COL5A1: variants seen among roughly 807,000 people sequenced by gnomAD.
COL5A1 encodes the protein collagen alpha-1(V) chain.
A neutral mutation model predicts 263.7 loss-of-function variants in COL5A1; 16 were observed. The ratio of observed to expected loss-of-function variants is 0.06; its 90% confidence interval spans 0.04 to 0.09. COL5A1 has a LOEUF of 0.09. Ranked by LOEUF, COL5A1 falls within the 10% of genes least tolerant of loss-of-function variation. The probability of loss-of-function intolerance (pLI) is 1.00; values close to 1 mark genes in which losing one functional copy is unlikely to be tolerated. For synonymous variants in COL5A1, 1,012 were observed against 1,004.5 expected (o/e 1.01, Z -0.14); for missense variants, 2,036 against 2,540.5 (o/e 0.80, Z 4.27).
At chr9:134,643,631 C>T (rs1831375163) in intron 1 of COL5A1, among the ~76,000 whole-genome samples, 1 of 152,108 alleles carries the variant, frequency 6.6e-6, no homozygotes, top group Admixed American at 6.5e-5. Context: ...CATCCCTGGG[C>T]CGCCACCAAC....
intron 18 of COL5A1, among the ~76,000 whole-genome samples, chr9:134,760,078 ACACGCATACACG>A (rs1836265862): frequency 1.0e-5 from 1 of 99,446 alleles, no homozygotes; most frequent in African/African-American, 5.3e-5. Flanking sequence ...ATACATGCAC[ACACGCATACACG>A]CCCACACACC....
intron 29 of COL5A1, among the ~76,000 whole-genome samples, chr9:134,784,544 G>T (rs1392084626): frequency 1.3e-5 from 2 of 152,232 alleles, no homozygotes; most frequent in Non-Finnish European, 2.9e-5. Context: ...CCAGGTAACT[G>T]CCCCATCCGG....
intron 9 of COL5A1, chr9:134,732,370 C>G (rs1158390708): frequency 3.3e-6 from 2 of 609,028 alleles, no homozygotes; most frequent in African/African-American, 1.8e-5. Context: ...TGATCAAAGC[C>G]GGTCCTGCAC....
At chr9:134,739,007 T>C (rs1835204781) in intron 11 of COL5A1, among the ~76,000 whole-genome samples, 199 bp downstream of exon 11, 1 of 151,706 alleles carries the variant, frequency 6.6e-6, no homozygotes, top group African/African-American at 2.4e-5. Context: ...ATGGGGAGAG[T>C]GGGGCCCCTC....
At chr9:134,710,273 G>C (rs3128591) in intron 4 of COL5A1, among the ~76,000 whole-genome samples, 2 of 152,130 alleles carry the variant, frequency 1.3e-5, no homozygotes, top group African/African-American at 2.4e-5. Context: ...CGCGCGAGAC[G>C]GTGGCTGTTG....
chr9:134,648,491 G>A (rs939425452), intron 1 of COL5A1, among the ~76,000 whole-genome samples: 1 of 151,946 alleles, frequency 6.6e-6, no homozygotes, highest in Non-Finnish European at 1.5e-5. Context: ...TTCCTATCCT[G>A]GCTCCAGTGT....
In COL5A1 at chr9:134,818,294, G is replaced by C. The variant is rs1480731211; in HGVS notation, c.4231-362G>C. ...CCCAGAGCACACGGGAGGCTATTCT[G>C]TCAGTGAGGTGATGGCGGCCCGGCC... On this transcript the variant is annotated intron_variant, in intron 54 of 65. Transcript: ENST00000371817. This position sits in a 1 kb window ranked among gnomAD's most constrained non-coding sequence, Gnocchi z 6.0. Among the ~76,000 whole-genome samples the C allele has an allele frequency of 6.6e-6, 1 of 152,218 alleles. No individual in the cohort carries two copies. Among genetic ancestry groups the C allele is most frequent in the Non-Finnish European group, 1.5e-5 (1 of 68,026 alleles).
intron 31 of COL5A1, among the ~76,000 whole-genome samples, chr9:134,788,611 G>A (rs1452713499): frequency 6.6e-6 from 1 of 151,004 alleles, no homozygotes; most frequent in African/African-American, 2.4e-5. Context: ...ACAGATAGAT[G>A]GATAGAGAGA....
chr9:134,825,081 C>T (rs1839209305), intron 62 of COL5A1, among the ~76,000 whole-genome samples: 1 of 152,234 alleles, frequency 6.6e-6, no homozygotes, highest in African/African-American at 2.4e-5. Flanking sequence ...TGAGGTCAGA[C>T]TCTCCAGGTT....
chr9:134,835,115 G>A lies in COL5A1; in HGVS notation c.5281G>A (p.Asp1761Asn), dbSNP rs773055539. 8 of 1,613,698 alleles carry A rather than the reference G, an allele frequency of 5.0e-6. No individual in the cohort carries two copies. Among genetic ancestry groups the A allele is most frequent in the Admixed American group, 3.3e-5 (2 of 60,008 alleles). The change falls in exon 65 of 66, where the codon GAC becomes AAC. Residue 1761 changes from aspartate to asparagine, a missense_variant. This residue lies in a region of COL5A1 where 358 missense variants were observed against 384.6 expected (regional missense o/e 0.93). Transcript: ENST00000371817. ...GCAGGACGCAGCCACGGGCAGCTAC[G>A]ACAAGGCCCTCCGCTTCCTGGGCTC... ...AWQDAATGSY[D>N]KALRFLGSND...
intron 1 of COL5A1, among the ~76,000 whole-genome samples, chr9:134,669,745 A>C (rs1832485254): frequency 6.6e-6 from 1 of 152,138 alleles, no homozygotes; most frequent in African/African-American, 2.4e-5. Flanking sequence ...GGGGATGTGG[A>C]AGTAACCCTG....
At chr9:134,813,572 C>G (rs1483695346) in intron 48 of COL5A1, among the ~76,000 whole-genome samples, 1 of 152,228 alleles carries the variant, frequency 6.6e-6, no homozygotes. Flanking sequence ...CACCTGCTGC[C>G]ACTGTGCATG....
intron 4 of COL5A1, chr9:134,708,668 C>T (rs1477385105): frequency 5.8e-6 from 3 of 518,474 alleles, no homozygotes; most frequent in Middle Eastern, 3.2e-4. Context: ...GTGTCTTCAG[C>T]TCTGCCTGCT....
chr9:134,709,280 G>A, intron 4 of COL5A1: 2 of 301,998 alleles, frequency 6.6e-6, no homozygotes, highest in South Asian at 5.6e-5. Context: ...AGGCTTCGGG[G>A]TGGGCTGCTG....
intron 43 of COL5A1, 99 bp downstream of exon 43, chr9:134,809,389 C>A (rs1365636401): frequency 5.2e-6 from 5 of 959,082 alleles, no homozygotes; most frequent in Non-Finnish European, 6.6e-6. Flanking sequence ...GCAGGTAGAG[C>A]GGCTCAGCCA....
chr9:134,657,286 G>C (rs1451201696), intron 1 of COL5A1, among the ~76,000 whole-genome samples: 1 of 116,690 alleles, frequency 8.6e-6, no homozygotes, highest in African/African-American at 3.5e-5. Context: ...GTGGGGTAGA[G>C]GGGTGCAGTT....
intron 18 of COL5A1, among the ~76,000 whole-genome samples, chr9:134,759,831 C>G (rs111207693): frequency 2.1e-5 from 2 of 97,532 alleles, no homozygotes; most frequent in Non-Finnish European, 3.8e-5. Context: ...CACCCACACC[C>G]CCCCACTCAC....
At chr9:134,704,736 T>C (rs1833783640) in intron 4 of COL5A1, among the ~76,000 whole-genome samples, 1 of 152,154 alleles carries the variant, frequency 6.6e-6, no homozygotes, top group Non-Finnish European at 1.5e-5. Flanking sequence ...TGGACCTGTC[T>C]TTCTTAATGA....
chr9:134,677,110 C>T lies in COL5A1; in HGVS notation c.110-13802C>T, dbSNP rs543864777. Among the ~76,000 whole-genome samples the T allele has an allele frequency of 2.7e-4, 41 of 152,286 alleles. No individual in the cohort carries two copies. The highest frequency in any genetic ancestry group is 5.5e-4 in the African/African-American group (23 of 41,566). On this transcript the variant is annotated intron_variant, in intron 1 of 65. Transcript: ENST00000371817. The surrounding 1 kb of genome is among the most constrained non-coding windows in gnomAD (Gnocchi z 4.4). ...AAGAGGCAGGGACACCAGGAAGCGG[C>T]GGTCCATCCCCTCGTGATTGGTGGC...
Sources: allele counts gnomAD v4.1 joint callset (sites outside exome capture counted in the v4.1 genomes callset), GRCh38; gene constraint gnomAD v4.1.1; regional missense constraint gnomAD v4.1.1; non-coding constraint Gnocchi (gnomAD v3.1); transcripts MANE v1.5; gene names NCBI Gene and HGNC (gene_info 2026-07-23, HGNC 2026-07-21).